The following MAP4 variants were observed in gnomAD, a reference collection of about 807,000 sequenced individuals.
MAP4 encodes the protein microtubule associated protein 4.
Under a neutral mutation model 170.2 loss-of-function variants are expected in MAP4, and 76 were observed. The ratio of observed to expected loss-of-function variants is 0.45; its 90% CI spans 0.37 to 0.54. The LOEUF is 0.54. Ranked by LOEUF, MAP4 falls within the 20% of genes least tolerant of loss-of-function variation. The pLI is 0.00. For missense variants in MAP4, 2,506 were observed against 2,748.0 expected, an observed-to-expected ratio of 0.91 and a Z score of 1.97; for synonymous variants, 909 against 994.5, an observed-to-expected ratio of 0.91 and a Z score of 1.62.
At chr3:47,956,125 A>C (rs1157460750) in intron 3 of MAP4, among the ~76,000 whole-genome samples, 12 of 152,138 alleles carry the variant, frequency 7.9e-5, no homozygotes, top group Admixed American at 7.9e-4. Flanking sequence ...CAACCTATGT[A>C]GTCTAGCTTG....
intron 1 of MAP4, among the ~76,000 whole-genome samples, chr3:48,035,738 G>A (rs575128065): frequency 3.3e-5 from 5 of 152,128 alleles, no homozygotes; most frequent in South Asian, 2.1e-4. Flanking sequence ...TCAGGAGTTC[G>A]AGATCAGCCT....
At chr3:47,951,850 A>G (rs1229249905) in intron 3 of MAP4, among the ~76,000 whole-genome samples, 1 of 136,588 alleles carries the variant, frequency 7.3e-6, no homozygotes, top group East Asian at 2.3e-4. Flanking sequence ...CTGGCTGCCC[A>G]GTCTGGAAAG....
At chr3:47,882,107 C>T (rs948789726) in intron 10 of MAP4, among the ~76,000 whole-genome samples, 2 of 152,064 alleles carry the variant, frequency 1.3e-5, no homozygotes, top group African/African-American at 4.8e-5. Context: ...GGTGAAACCC[C>T]ATCTCTACTA....
At chr3:47,929,834 G>A (rs1398263063) in intron 3 of MAP4, among the ~76,000 whole-genome samples, 1 of 151,754 alleles carries the variant, frequency 6.6e-6, no homozygotes, top group Admixed American at 6.6e-5. Flanking sequence ...GCTTTTCAAA[G>A]ATGCTATTAA....
chr3:48,059,085 C>T (rs1230577911), intron 1 of MAP4, among the ~76,000 whole-genome samples: 1 of 152,078 alleles, frequency 6.6e-6, no homozygotes, highest in African/African-American at 2.4e-5. Context: ...GGCATTACAA[C>T]ATTATTTTAA....
intron 9 of MAP4, among the ~76,000 whole-genome samples, chr3:47,906,297 C>T (rs2100032981): frequency 6.6e-6 from 1 of 151,998 alleles, no homozygotes; most frequent in Non-Finnish European, 1.5e-5. Context: ...CAGACGCACA[C>T]ACATGAAGAT....
At chr3:47,912,468 A>G in intron 8 of MAP4, 47 bp from the exon 9 acceptor site, 1 of 1,429,656 alleles carries the variant, frequency 7.0e-7, no homozygotes. Flanking sequence ...CTTAAAAACA[A>G]CAAAAAACAA....
In MAP4 at chr3:47,911,666, C is replaced by T; in HGVS notation, c.2755G>A (p.Val919Ile). 6.5e-7 allele frequency: 1 copy of T among 1,536,002 alleles called. No individual in the cohort carries two copies. The highest frequency in any genetic ancestry group is 1.2e-5 in the South Asian group (1 of 84,052). ...GGTCCTTTCAGATTGAGAGGGCCTA[C>T]TGACTGGCTTTTATCTACAGGAGTC... ...LKTPVDKSQS[V>I]GPLNLKGPLA... is the part of the protein sequence containing the mutation. Residue 919 changes from valine (V) to isoleucine (I), a missense_variant, in exon 9 of 21, where the codon GTA becomes ATA. Val to Ile is a conservative substitution (Grantham distance 29, BLOSUM62 3). Transcript: ENST00000683076. This position sits in a 1 kb window ranked among gnomAD's most constrained non-coding sequence, Gnocchi z 4.0.
chr3:47,934,175 C>T (rs2153895405), intron 3 of MAP4, among the ~76,000 whole-genome samples: 2 of 152,286 alleles, frequency 1.3e-5, no homozygotes, highest in East Asian at 3.9e-4. Flanking sequence ...TGGTGGTGAC[C>T]AGGCAGCACT....
At chr3:47,939,645 T>C (rs915511410) in intron 3 of MAP4, among the ~76,000 whole-genome samples, 4 of 151,306 alleles carry the variant, frequency 2.6e-5, no homozygotes, top group Non-Finnish European at 4.4e-5. Context: ...ATTTCTAAGA[T>C]AGACATTAAA....
chr3:48,079,189 C>A (rs1356604942), intron 1 of MAP4, among the ~76,000 whole-genome samples: 5 of 151,994 alleles, frequency 3.3e-5, no homozygotes, highest in Non-Finnish European at 7.4e-5. Flanking sequence ...AATCCGAAAT[C>A]TGAAATGCTC....
intron 4 of MAP4, among the ~76,000 whole-genome samples, chr3:47,927,095 G>A (rs2100046439): frequency 6.7e-6 from 1 of 149,760 alleles, no homozygotes; most frequent in Non-Finnish European, 1.5e-5. Flanking sequence ...GGAGGCAGAG[G>A]TTGCAGTAAG....
chr3:47,987,960 T>C (rs1232301497), intron 2 of MAP4, among the ~76,000 whole-genome samples: 1 of 152,026 alleles, frequency 6.6e-6, no homozygotes, highest in African/African-American at 2.4e-5. Flanking sequence ...TTTGGGAGGC[T>C]ACGGTGGGCG....
chr3:47,953,447 A>G (rs1012601367), intron 3 of MAP4, among the ~76,000 whole-genome samples: 2 of 152,072 alleles, frequency 1.3e-5, no homozygotes, highest in Non-Finnish European at 2.9e-5. Flanking sequence ...ACTTGAGCCT[A>G]GGAGTTCGAA....
At chr3:47,872,690 C>A (rs1230156702) in intron 12 of MAP4, among the ~76,000 whole-genome samples, 1 of 152,116 alleles carries the variant, frequency 6.6e-6, no homozygotes, top group Non-Finnish European at 1.5e-5. Flanking sequence ...ATGAACAGCC[C>A]TGATGGGTAC....
rs564260805 is a variant in MAP4, at chr3:47,998,605, A to G, written c.223+33T>C. 1,340 of 1,535,302 alleles carry G rather than the reference A, an allele frequency of 8.7e-4. 14 individuals are homozygous for G. In the South Asian group the frequency reaches 0.014, roughly 16 times the overall value. On this transcript the variant is annotated intron_variant, in intron 2 of 20. Coordinates refer to ENST00000683076, the MANE Select transcript of MAP4 (RefSeq NM_001385682.1). ...GGCATAATCCCTAACCTGCTTTCTG[A>G]ACATATATAAGCAGTCTGGTTTAAA... is the stretch of plus-strand genomic sequence containing the variant.
At chr3:47,906,219 C>T (rs1011724032) in intron 9 of MAP4, among the ~76,000 whole-genome samples, 1 of 151,964 alleles carries the variant, frequency 6.6e-6, no homozygotes, top group Non-Finnish European at 1.5e-5. Context: ...ATATGGAACA[C>T]CCATCAAAAT....
In MAP4 at chr3:48,086,449, T is replaced by G. The variant is rs1041736773; in HGVS notation, c.-20+2324A>C. On this transcript the variant is annotated intron_variant, in intron 1 of 18. Coordinates refer to the MAP4 transcript ENST00000360240. ...AGGTCAGGAGTTTGAGACCAGTCTG[T>G]CCAACGTGGCGAAACCCCGTCTCTA... Among the ~76,000 whole-genome samples the G allele has an allele frequency of 5.9e-5, 9 of 152,016 alleles. No individual in the cohort carries two copies. The East Asian group carries it at 1.7e-3, about 29-fold the overall frequency.
intron 1 of MAP4, among the ~76,000 whole-genome samples, chr3:48,055,182 C>CTCCGTCTCCGTCTCCG (rs1559867024): frequency 5.2e-4 from 43 of 82,190 alleles, no homozygotes; most frequent in African/African-American, 2.0e-3. Flanking sequence ...AAAAGTCTCC[C>CTCCGTCTCCGTCTCCG]TCTCCCTCTC....
Sources: allele counts gnomAD v4.1 joint callset (sites outside exome capture counted in the v4.1 genomes callset), GRCh38; gene constraint gnomAD v4.1.1; non-coding constraint Gnocchi (gnomAD v3.1); transcripts MANE v1.5; gene names NCBI Gene and HGNC (gene_info 2026-07-23, HGNC 2026-07-21).